The following SEMA5A variants were observed in gnomAD, a reference collection of about 807,000 sequenced individuals.
SEMA5A encodes the protein semaphorin 5A, also known as semaphorin-5A.
SEMA5A carries 55 observed loss-of-function variants against 135.5 expected under a neutral mutation model. The observed-to-expected ratio is 0.41, with a 90% confidence interval of 0.33 to 0.51. The LOEUF is 0.51. SEMA5A is among the 20% of genes least tolerant of loss of function. The pLI, the probability that SEMA5A is intolerant of heterozygous loss-of-function variation, is 0.37. For synonymous variants in SEMA5A, 580 were observed against 546.5 expected (o/e 1.06, Z -0.85); for missense variants, 1,290 against 1,419.9 (o/e 0.91, Z 1.47).
intron 12 of SEMA5A, among the ~76,000 whole-genome samples, chr5:9,140,522 G>C (rs1022675831): frequency 1.3e-5 from 2 of 152,208 alleles, no homozygotes; most frequent in Admixed American, 6.5e-5. Flanking sequence ...AGACCCGGGT[G>C]GGGTGAGCGC....
intron 6 of SEMA5A, among the ~76,000 whole-genome samples, chr5:9,227,268 G>A (rs1177699065): frequency 2.0e-5 from 3 of 152,066 alleles, no homozygotes; most frequent in Non-Finnish European, 4.4e-5. Flanking sequence ...AATTCTCAAA[G>A]CATGCATCTA....
intron 8 of SEMA5A, among the ~76,000 whole-genome samples, chr5:9,223,112 CA>C (rs1360470425): frequency 6.6e-6 from 1 of 152,216 alleles, no homozygotes; most frequent in Non-Finnish European, 1.5e-5. Flanking sequence ...CACATAGAAT[CA>C]ACTGATTCGG....
intron 13 of SEMA5A, among the ~76,000 whole-genome samples, chr5:9,134,112 T>C (rs977767634): frequency 2.0e-5 from 3 of 152,184 alleles, no homozygotes; most frequent in Admixed American, 6.5e-5. Flanking sequence ...TCTTCAGCCA[T>C]GCAGAACTGT....
At chr5:9,423,701 G>T (rs866816211) in intron 2 of SEMA5A, among the ~76,000 whole-genome samples, 1 of 152,208 alleles carries the variant, frequency 6.6e-6, no homozygotes, top group South Asian at 2.1e-4. Flanking sequence ...TCTTACAAAA[G>T]GTGTGAACAA....
chr5:9,222,765 T>C (rs1579650643), intron 8 of SEMA5A, among the ~76,000 whole-genome samples: 1 of 152,328 alleles, frequency 6.6e-6, no homozygotes, highest in Non-Finnish European at 1.5e-5. Flanking sequence ...GACTCTCCAA[T>C]GGAAAAGGAG....
intron 10 of SEMA5A, among the ~76,000 whole-genome samples, chr5:9,190,790 T>C (rs1470974016): frequency 6.6e-6 from 1 of 152,174 alleles, no homozygotes; most frequent in Non-Finnish European, 1.5e-5. Flanking sequence ...TCCCGTCGAG[T>C]TACTTGAAAG....
chr5:9,305,727 TTTACACGCACACACACACACACACACAC>T (rs1751833145), intron 5 of SEMA5A, among the ~76,000 whole-genome samples: 2 of 106,838 alleles, frequency 1.9e-5, no homozygotes, highest in African/African-American at 3.6e-5. Flanking sequence ...TATATATATA[TTTACACGCACACACACACACACACACAC>T]ATATATACAC....
In SEMA5A at chr5:9,120,191, T is replaced by G. The variant is rs550970786; in HGVS notation, c.1782-1050A>C. Among the ~76,000 whole-genome samples the G allele has an allele frequency of 1.9e-3, 293 of 152,250 alleles. 1 individual carries two copies. Among genetic ancestry groups the G allele is most frequent in the Non-Finnish European group, 3.1e-3 (214 of 68,000 alleles). ...TTTACTTCTGCAATCACATATGCATTTCTTTGGATATTTGTCACCTTCATC... is the reference window on the plus strand; with the variant it reads ...TTTACTTCTGCAATCACATATGCATGTCTTTGGATATTTGTCACCTTCATC... On this transcript the variant is annotated intron_variant, in intron 14 of 22. Transcript: ENST00000382496.
chr5:9,050,392 T>C lies in SEMA5A; in HGVS notation c.2893+18A>G. 1 of 1,604,662 alleles carries C rather than the reference T, an allele frequency of 6.2e-7. No individual in the cohort carries two copies. Among genetic ancestry groups the C allele is most frequent in the South Asian group, 1.1e-5 (1 of 89,514 alleles). On this transcript the variant is annotated intron_variant, in intron 21 of 22. Transcript: ENST00000382496. Reference sequence around the variant, plus strand: ...ATATCAGTACATCCATTACAACTACTTAAAAGGAATAACGTACCTCCACAC... The same window carrying C: ...ATATCAGTACATCCATTACAACTACCTAAAAGGAATAACGTACCTCCACAC...
Position 9,485,649 on chromosome 5 carries a change from C to T in SEMA5A, c.-174-47797G>A, listed in dbSNP as rs538741239. On this transcript the variant is annotated intron_variant, in intron 1 of 22. Transcript: ENST00000382496. ...GGGCTATAGAGGCAGAGAGGTGCCCCGAATGACTGTTGATAATTGGGTGCA... is the reference window on the plus strand; with the variant it reads ...GGGCTATAGAGGCAGAGAGGTGCCCTGAATGACTGTTGATAATTGGGTGCA... Among the ~76,000 whole-genome samples, 15 of 152,236 alleles carry T rather than the reference C, an allele frequency of 9.9e-5. No homozygotes were observed. In the East Asian group the frequency reaches 2.3e-3, roughly 24 times the overall value.
At chr5:9,335,829 T>C (rs369632392) in intron 4 of SEMA5A, among the ~76,000 whole-genome samples, 6 of 152,230 alleles carry the variant, frequency 3.9e-5, no homozygotes, top group African/African-American at 7.2e-5. Context: ...TGGAAATAAA[T>C]GTGTTGAATC....
Position 9,320,924 on chromosome 5 carries a change from A to G in SEMA5A, c.225-2507T>C, listed in dbSNP as rs575049514. 5.9e-5 allele frequency among the ~76,000 whole-genome samples: 9 copies of G among 152,284 alleles called. No homozygotes were observed. In the South Asian group the frequency reaches 1.2e-3, roughly 21 times the overall value. On this transcript the variant is annotated intron_variant, in intron 4 of 22. Transcript: ENST00000382496. The stretch of plus-strand genomic sequence containing the variant: ...ACACACACACACAGACAAGTCTTTC[A>G]GAAGCGGGGCTTACCAGTGTGATAT...
intron 16 of SEMA5A, among the ~76,000 whole-genome samples, chr5:9,089,207 C>T (rs1738896147): frequency 1.3e-5 from 2 of 152,200 alleles, no homozygotes; most frequent in Admixed American, 6.5e-5. Flanking sequence ...TCAAACCTCA[C>T]AGCACTTCTT....
At chr5:9,336,923 A>G (rs996857710) in intron 4 of SEMA5A, among the ~76,000 whole-genome samples, 3 of 152,212 alleles carry the variant, frequency 2.0e-5, no homozygotes, top group African/African-American at 4.8e-5. Flanking sequence ...GAGGAACCCA[A>G]TTCTACAAAT....
chr5:9,456,167 C>G (rs1758826168), intron 1 of SEMA5A, among the ~76,000 whole-genome samples: 1 of 152,240 alleles, frequency 6.6e-6, no homozygotes, highest in Non-Finnish European at 1.5e-5. Flanking sequence ...AGAATTTCCA[C>G]TCACCAGCTT....
intron 11 of SEMA5A, among the ~76,000 whole-genome samples, chr5:9,185,272 T>G (rs1744745492): frequency 6.6e-6 from 1 of 152,156 alleles, no homozygotes; most frequent in African/African-American, 2.4e-5. Context: ...ACAATACAAT[T>G]AACCTTGGGG....
At chr5:9,069,893 T>G in intron 16 of SEMA5A, among the ~76,000 whole-genome samples, 1 of 152,200 alleles carries the variant, frequency 6.6e-6, no homozygotes, top group Admixed American at 6.5e-5. Context: ...TCTCTTTCAC[T>G]TGGAATGAAA....
chr5:9,535,667 C>T (rs778227472), intron 1 of SEMA5A, among the ~76,000 whole-genome samples: 20 of 152,040 alleles, frequency 1.3e-4, no homozygotes, highest in Non-Finnish European at 2.1e-4. Flanking sequence ...TTGCTCAGCA[C>T]CACCTTTGAG....
At chr5:9,198,006 C>G (rs1328382272) in intron 9 of SEMA5A, among the ~76,000 whole-genome samples, 1 of 152,030 alleles carries the variant, frequency 6.6e-6, no homozygotes, top group East Asian at 1.9e-4. Flanking sequence ...TGGGAGCCCT[C>G]AGAAGGTCAG....
Sources: gnomAD v4.1 joint callset for allele counts (sites outside exome capture counted in the v4.1 genomes callset) on GRCh38, gnomAD v4.1.1 for gene constraint, MANE v1.5 for transcripts, NCBI Gene and HGNC (gene_info 2026-07-23, HGNC 2026-07-21) for gene names.